Variants in ZNF524 observed in about 807,000 individuals in gnomAD.
The protein encoded by ZNF524 is zinc finger protein 524.
For synonymous variants in ZNF524, 194 were observed against 166.3 expected (o/e 1.17, Z -1.28); for missense variants, 388 against 380.1 (o/e 1.02, Z -0.17).
In ZNF524 at chr19:55,603,078, TC is replaced by T. The variant is rs1489542948; in HGVS notation, c.*176del. 3 of 727,084 alleles carry T rather than the reference TC, an allele frequency of 4.1e-6. No individual in the cohort carries two copies. The highest frequency in any genetic ancestry group is 6.7e-6 in the Non-Finnish European group (3 of 444,594). The allele number at this position is 727,084 out of a possible 1,614,324, so 45.0% of individuals were successfully genotyped here. The stretch of plus-strand genomic sequence containing the variant: ...GGGGTCCAGCTGCCTTCAGCCCCCC[TC>T]CCCCAGACTAACAGACCCTTGGAGG... On this transcript the variant is annotated 3_prime_UTR_variant, in exon 2 of 2. Transcript: ENST00000301073.
At chr19:55,600,157 G>C (rs1474112507), upstream of ZNF524, 1 of 152,066 alleles carries the variant, frequency 6.6e-6, no homozygotes, top group South Asian at 2.1e-4. Context: ...CGCGGCTTCC[G>C]GGCGTGGCCG....
rs1363446750 is a variant in ZNF524 at position 55,602,298 on chromosome 19, G to A, written c.186G>A (p.Gln62=). 1 of 1,583,832 alleles carries A rather than the reference G, an allele frequency of 6.3e-7. No individual in the cohort carries two copies. The highest frequency in any genetic ancestry group is 1.1e-5 in the South Asian group (1 of 87,416). Reference sequence around the variant, plus strand: ...GGGGCCGCCCCCCCAAGTCAGGGCAGGAGCCCCCACTGGTGCAGGTGCAGG... The same window carrying A: ...GGGGCCGCCCCCCCAAGTCAGGGCAAGAGCCCCCACTGGTGCAGGTGCAGG... The part of the protein sequence containing the change: ...RKRGRPPKSG[Q]EPPLVQVQGV... Residue 62 remains glutamine (Q), a synonymous_variant, in exon 2 of 2, where the codon CAG becomes CAA. Transcript: ENST00000301073.
chr19:55,602,196 C>T lies in ZNF524; in HGVS notation c.84C>T (p.Pro28=). 1 of 1,611,768 alleles carries T rather than the reference C, an allele frequency of 6.2e-7. No individual in the cohort carries two copies. Among genetic ancestry groups the T allele is most frequent in the Non-Finnish European group, 8.5e-7 (1 of 1,179,066 alleles). Residue 28 remains proline (P), a synonymous_variant, in exon 2 of 2, where the codon CCC becomes CCT. Coordinates refer to ENST00000301073, the MANE Select transcript of ZNF524 (RefSeq NM_153219.4). ...EKPLALSPPV[P]RGRRGRRPGG... Reference sequence around the variant, plus strand: ...CTCTGGCCTTATCTCCTCCTGTTCCCCGGGGCCGCCGAGGCCGTCGTCCTG... The same window carrying T: ...CTCTGGCCTTATCTCCTCCTGTTCCTCGGGGCCGCCGAGGCCGTCGTCCTG...
chr19:55,599,739 T>C (rs1980544606), upstream of ZNF524: 1 of 152,082 alleles, frequency 6.6e-6, no homozygotes, highest in African/African-American at 2.4e-5. Context: ...CCATACAGAC[T>C]AAGGGCAAGG....
intron 1 of ZNF524, 101 bp from the exon 2 acceptor site, chr19:55,601,974 C>A (rs942277753): frequency 2.7e-6 from 2 of 736,612 alleles, no homozygotes; most frequent in Admixed American, 2.9e-5. Context: ...GTCAAACACA[C>A]CTTTGTCAAG....
Position 55,600,317 on chromosome 19 carries a change from C to T in ZNF524, c.-130C>T, listed in dbSNP as rs1336524285. ...CCCCCGCCTCGCCGCCGCCGAGGGGCAGGGCCCCCTCACCCCCTCCCCTTC... is the reference window on the plus strand; with the variant it reads ...CCCCCGCCTCGCCGCCGCCGAGGGGTAGGGCCCCCTCACCCCCTCCCCTTC... On this transcript the variant is annotated 5_prime_UTR_variant, in exon 1 of 2. Coordinates refer to ENST00000301073, the MANE Select transcript of ZNF524 (RefSeq NM_153219.4). 6.7e-6 allele frequency: 1 copy of T among 149,832 alleles called. No individual in the cohort carries two copies. The highest frequency in any genetic ancestry group is 2.4e-5 in the African/African-American group (1 of 40,960). 9.3% of individuals were successfully genotyped at this position (149,832 alleles called of 1,614,324 possible).
chr19:55,601,309 A>G (rs1056555468), intron 1 of ZNF524: 4 of 152,214 alleles, frequency 2.6e-5, no homozygotes, highest in Non-Finnish European at 5.9e-5. Context: ...GATATGCCCT[A>G]TTCAGAGGGT....
chr19:55,602,862 G>C lies in ZNF524; in HGVS notation c.750G>C (p.Gly250=). Residue 250 remains glycine, a synonymous_variant, in exon 2 of 2, where the codon GGG becomes GGC. Transcript: ENST00000301073. ...WDEEGIPATA[G]AEEEEETEGK... ...AGGAGGGCATCCCGGCCACAGCAGGGGCCGAGGAGGAGGAGGAGACAGAGG... is the reference window on the plus strand; with the variant it reads ...AGGAGGGCATCCCGGCCACAGCAGGCGCCGAGGAGGAGGAGGAGACAGAGG... 6.2e-7 allele frequency: 1 copy of C among 1,603,890 alleles called. No homozygotes were observed. The highest frequency in any genetic ancestry group is 8.5e-7 in the Non-Finnish European group (1 of 1,176,422).
chr19:55,602,078 G>GCT lies in ZNF524; in HGVS notation c.-33_-32dup. ...CTCTGCCCCTCTCTCCTCTTAGCTG[G>GCT]CTCCAGTGCCCAGACCCAAGCCCCC... On this transcript the variant is annotated 5_prime_UTR_variant, in exon 2 of 2. Transcript: ENST00000301073. 6.6e-7 allele frequency: 1 copy of GCT among 1,510,000 alleles called. No homozygotes were observed. The allele number at this position is 1,510,000 out of a possible 1,614,324, so 93.5% of individuals were successfully genotyped here. A position where few individuals can be genotyped will look rare whatever the true frequency, so the allele number is the denominator to read the frequency against.
chr19:55,600,757 C>T (rs371546312), intron 1 of ZNF524: 1 of 150,272 alleles, frequency 6.7e-6, no homozygotes, highest in African/African-American at 2.4e-5. Context: ...TAGGCTACCC[C>T]GTGGGAGCGA....
At position 55,602,295 on chromosome 19, in the gene ZNF524, G is replaced by C; in HGVS notation, c.183G>C (p.Gly61=). 6.3e-7 allele frequency: 1 copy of C among 1,584,482 alleles called. No homozygotes were observed. Among genetic ancestry groups the C allele is most frequent in the Non-Finnish European group, 8.6e-7 (1 of 1,165,594 alleles). Residue 61 remains glycine, a synonymous_variant, in exon 2 of 2, where the codon GGG becomes GGC. Transcript: ENST00000301073. Reference sequence around the variant, plus strand: ...AGCGGGGCCGCCCCCCCAAGTCAGGGCAGGAGCCCCCACTGGTGCAGGTGC... The same window carrying C: ...AGCGGGGCCGCCCCCCCAAGTCAGGCCAGGAGCCCCCACTGGTGCAGGTGC... The part of the protein sequence containing the change: ...PRKRGRPPKS[G]QEPPLVQVQG...
In ZNF524 at chr19:55,602,606, C is replaced by G. The variant is rs1210018292; in HGVS notation, c.494C>G (p.Ala165Gly). 2.5e-6 allele frequency: 4 copies of G among 1,581,294 alleles called. No homozygotes were observed. The highest frequency in any genetic ancestry group is 2.7e-5 in the African/African-American group (2 of 74,544). The change falls in exon 2 of 2, where the codon GCC becomes GGC. Residue 165 changes from alanine (A) to glycine (G), a missense_variant. Transcript: ENST00000301073. ...CTGCGGCGGCACTGCAACATCCATGCCGGCCTGCGGCCCTTCCGCTGCCCG... is the reference window on the plus strand; with the variant it reads ...CTGCGGCGGCACTGCAACATCCATGGCGGCCTGCGGCCCTTCCGCTGCCCG... ...SHLRRHCNIH[A>G]GLRPFRCPLC... is the part of the protein sequence containing the mutation.
intron 1 of ZNF524, chr19:55,601,812 A>C: frequency 3.6e-6 from 1 of 274,716 alleles, no homozygotes; most frequent in Admixed American, 5.1e-5. Flanking sequence ...GGTGTTGCTC[A>C]TGTTGATCTT....
upstream of ZNF524, chr19:55,599,952 T>C (rs1338845513): frequency 6.6e-6 from 1 of 152,322 alleles, no homozygotes; most frequent in South Asian, 2.1e-4. Context: ...TAGCACTCCA[T>C]GGGCTTCGAA....
rs1056627456 is a variant in ZNF524, at chr19:55,602,727, G to A, written c.615G>A (p.Leu205=). The A allele has an allele frequency of 8.1e-6, 13 of 1,605,988 alleles. No individual in the cohort carries two copies. The African/African-American group carries it at 1.7e-4, about 21-fold the overall frequency. ...CGTACCAGTGCCCCATCTGCCGGCTGCGCTTTACAGAGGCCAACACGCTCC... is the reference window on the plus strand; with the variant it reads ...CGTACCAGTGCCCCATCTGCCGGCTACGCTTTACAGAGGCCAACACGCTCC... ...ERPYQCPICR[L]RFTEANTLRR... is the part of the protein sequence containing the mutation. Residue 205 remains leucine (L), a synonymous_variant, in exon 2 of 2, where the codon CTG becomes CTA. Coordinates refer to ENST00000301073, the MANE Select transcript of ZNF524 (RefSeq NM_153219.4).
Position 55,602,943 on chromosome 19 carries a change from T to A in ZNF524, c.*36T>A. On this transcript the variant is annotated 3_prime_UTR_variant, in exon 2 of 2. Coordinates refer to ENST00000301073, the MANE Select transcript of ZNF524 (RefSeq NM_153219.4). ...CGGCCATCGCTCCCTGGGCCAGGTT[T>A]AGAGCAGGGAGTTTGGCTGGTGCTG... is the stretch of plus-strand genomic sequence containing the variant. 2 of 1,503,456 alleles carry A rather than the reference T, an allele frequency of 1.3e-6. No individual in the cohort carries two copies. Among genetic ancestry groups the A allele is most frequent in the Non-Finnish European group, 1.8e-6 (2 of 1,121,806 alleles). The allele number at this position is 1,503,456 out of a possible 1,614,324, so 93.1% of individuals were successfully genotyped here. A position where few individuals can be genotyped will look rare whatever the true frequency, so the allele number is the denominator to read the frequency against.
At chr19:55,600,569 C>G (rs1351874397) in intron 1 of ZNF524, 161 bp downstream of exon 1, 1 of 151,568 alleles carries the variant, frequency 6.6e-6, no homozygotes, top group East Asian at 2.0e-4. Context: ...TTCCTGGCAG[C>G]CCCCGCCGCC....
Position 55,602,135 on chromosome 19 carries a change from C to T in ZNF524, c.23C>T (p.Pro8Leu), listed in dbSNP as rs141376459. The stretch of plus-strand genomic sequence containing the variant: ...TCAATGGACACCCCCAGCCCAGACC[C>T]GTTGCCTTCGCCTTTGCCCGGGGAG... Reference protein sequence around the residue: MDTPSPDPLPSPLPGEEE... With the variant: MDTPSPDLLPSPLPGEEE... The change falls in exon 2 of 2, where the codon CCG becomes CTG. Residue 8 changes from proline (P) to leucine (L), a missense_variant. Pro to Leu is a moderately conservative substitution (Grantham distance 98, BLOSUM62 -3). Transcript: ENST00000301073. 2.0e-5 allele frequency: 31 copies of T among 1,553,442 alleles called. No individual in the cohort carries two copies. The highest frequency in any genetic ancestry group is 2.6e-5 in the Non-Finnish European group (30 of 1,148,736).
At chr19:55,601,955 T>C in intron 1 of ZNF524, 120 bp from the exon 2 acceptor site, 1 of 596,462 alleles carries the variant, frequency 1.7e-6, no homozygotes, top group Non-Finnish European at 2.8e-6. Flanking sequence ...ATTGTGTATC[T>C]GGATGAATGT....
Sources: gnomAD v4.1 joint callset for allele counts on GRCh38, gnomAD v4.1.1 for gene constraint, MANE v1.5 for transcripts, NCBI Gene and HGNC (gene_info 2026-07-23, HGNC 2026-07-21) for gene names.